FAM124A: variants seen among roughly 807,000 people sequenced by gnomAD.
FAM124A encodes the protein protein FAM124A.
In FAM124A, 23 loss-of-function variants were observed where a neutral mutation model predicts 24.5. The observed-to-expected ratio is 0.94, with a 90% CI of 0.68 to 1.33. The LOEUF (loss-of-function observed/expected upper bound fraction) is 1.33. Ranked by LOEUF, FAM124A falls within the 40% of genes most tolerant of loss-of-function variation. The pLI, the probability that FAM124A is intolerant of heterozygous loss-of-function variation, is 0.00. For synonymous variants in FAM124A, 287 were observed against 314.7 expected (o/e 0.91, Z 0.93); for missense variants, 623 against 722.8 (o/e 0.86, Z 1.58).
At chr13:51,268,221 C>T (rs140433143) in intron 3 of FAM124A, among the ~76,000 whole-genome samples, 13 of 152,266 alleles carry the variant, frequency 8.5e-5, no homozygotes, top group African/African-American at 2.6e-4. Context: ...CCTTGACAAA[C>T]GAAAGAGTAA....
chr13:51,232,509 T>A (rs1954388625), intron 2 of FAM124A, among the ~76,000 whole-genome samples: 1 of 152,248 alleles, frequency 6.6e-6, no homozygotes, highest in South Asian at 2.1e-4. Flanking sequence ...ACTGAGCAGA[T>A]AGTTTTATAT....
intron 2 of FAM124A, chr13:51,245,215 T>A: frequency 2.1e-6 from 1 of 476,350 alleles, no homozygotes; most frequent in Non-Finnish European, 3.8e-6. Context: ...AGGTGTGCCA[T>A]TTGCATAAGA....
chr13:51,267,824 C>G (rs1954803727), intron 3 of FAM124A, among the ~76,000 whole-genome samples: 1 of 152,214 alleles, frequency 6.6e-6, no homozygotes, highest in Non-Finnish European at 1.5e-5. Context: ...TTACTGAGAG[C>G]CTCCTACCCC....
At chr13:51,222,730 C>T (rs1385730487) in intron 1 of FAM124A, among the ~76,000 whole-genome samples, 161 bp downstream of exon 1, 1 of 152,052 alleles carries the variant, frequency 6.6e-6, no homozygotes, top group Non-Finnish European at 1.5e-5. Flanking sequence ...CCGCGCTGCC[C>T]TGGGCAGGGC....
chr13:51,243,407 G>C (rs1289126228), intron 2 of FAM124A, among the ~76,000 whole-genome samples: 2 of 152,174 alleles, frequency 1.3e-5, no homozygotes. Flanking sequence ...CCTTTCTGAA[G>C]GCATTTGTTT....
intron 3 of FAM124A, among the ~76,000 whole-genome samples, chr13:51,261,124 A>C (rs945313676): frequency 6.6e-6 from 1 of 152,204 alleles, no homozygotes; most frequent in African/African-American, 2.4e-5. Flanking sequence ...TCTGATACAC[A>C]GCAGCTACTC....
At chr13:51,252,458 C>T (rs1954635631) in intron 3 of FAM124A, 2 of 557,392 alleles carry the variant, frequency 3.6e-6, no homozygotes, top group Non-Finnish European at 3.1e-6. Flanking sequence ...CCCCTTCTGT[C>T]CTCCCCTATT....
At chr13:51,241,023 G>A (rs1954485542) in intron 2 of FAM124A, among the ~76,000 whole-genome samples, 1 of 152,246 alleles carries the variant, frequency 6.6e-6, no homozygotes, top group East Asian at 1.9e-4. Flanking sequence ...GGTTCACAGT[G>A]TGAACCCTCT....
chr13:51,243,061 T>A (rs1954516936), intron 2 of FAM124A, among the ~76,000 whole-genome samples: 1 of 152,198 alleles, frequency 6.6e-6, no homozygotes, highest in African/African-American at 2.4e-5. Flanking sequence ...AACCTTATGA[T>A]CTATATTATA....
At chr13:51,233,113 A>G (rs1954396856) in intron 2 of FAM124A, among the ~76,000 whole-genome samples, 1 of 152,216 alleles carries the variant, frequency 6.6e-6, no homozygotes, top group African/African-American at 2.4e-5. Context: ...ATAATGGTGG[A>G]AAATGATGGC....
At chr13:51,223,739 A>G (rs1954287397) in intron 1 of FAM124A, among the ~76,000 whole-genome samples, 1 of 152,190 alleles carries the variant, frequency 6.6e-6, no homozygotes. Flanking sequence ...TACAGCACCC[A>G]ATTATAATCT....
intron 3 of FAM124A, among the ~76,000 whole-genome samples, chr13:51,261,059 C>T (rs1954731156): frequency 6.6e-6 from 1 of 152,198 alleles, no homozygotes; most frequent in African/African-American, 2.4e-5. Context: ...TCAAGAGGTA[C>T]CTGGAGAGTG....
chr13:51,230,673 G>A (rs185173784), intron 1 of FAM124A, among the ~76,000 whole-genome samples: 9 of 152,290 alleles, frequency 5.9e-5, no homozygotes, highest in Non-Finnish European at 1.3e-4. Context: ...CCACTCTTAC[G>A]GAGGCTGAAT....
chr13:51,242,591 T>C (rs1954509926), intron 2 of FAM124A, among the ~76,000 whole-genome samples: 1 of 152,196 alleles, frequency 6.6e-6, no homozygotes, highest in Non-Finnish European at 1.5e-5. Flanking sequence ...GTCATTCCTT[T>C]GGTTGGTGTC....
chr13:51,234,727 T>G (rs1954416813), intron 2 of FAM124A, among the ~76,000 whole-genome samples: 1 of 152,320 alleles, frequency 6.6e-6, no homozygotes, highest in East Asian at 1.9e-4. Context: ...CTTTGCTCTC[T>G]TTTTGACCCA....
chr13:51,265,011 T>C (rs1367043947), intron 3 of FAM124A, among the ~76,000 whole-genome samples: 1 of 152,242 alleles, frequency 6.6e-6, no homozygotes, highest in Non-Finnish European at 1.5e-5. Context: ...GGCAAGTTAC[T>C]TTCCTTCTCT....
chr13:51,226,059 C>T (rs1036689348), intron 1 of FAM124A, among the ~76,000 whole-genome samples: 4 of 129,816 alleles, frequency 3.1e-5, no homozygotes, highest in Non-Finnish European at 4.6e-5. Context: ...TTGGTGGAAT[C>T]ATGGCTCACT....
chr13:51,245,499 A>G, intron 2 of FAM124A: 1 of 451,062 alleles, frequency 2.2e-6, no homozygotes. Flanking sequence ...TACAGCTCGA[A>G]TTTTCAGACT....
chr13:51,266,696 C>T (rs536915137), intron 3 of FAM124A, among the ~76,000 whole-genome samples: 1 of 152,312 alleles, frequency 6.6e-6, no homozygotes, highest in South Asian at 2.1e-4. Flanking sequence ...TGCATAGCCA[C>T]GTTCCTTGGC....
Sources: allele counts gnomAD v4.1 joint callset (sites outside exome capture counted in the v4.1 genomes callset), GRCh38; gene constraint gnomAD v4.1.1; transcripts MANE v1.5; gene names NCBI Gene and HGNC (gene_info 2026-07-23, HGNC 2026-07-21).